Variants in ACOX2 observed in about 807,000 individuals in gnomAD.
ACOX2 encodes the protein acyl-CoA oxidase 2, also known as peroxisomal acyl-coenzyme A oxidase 2.
ACOX2 carries 59 observed loss-of-function variants against 77.5 expected under a neutral mutation model. The observed-to-expected ratio is 0.76, with a 90% CI of 0.62 to 0.95. The LOEUF (loss-of-function observed/expected upper bound fraction) is 0.95. Ranked by LOEUF, ACOX2 falls within the 40% of genes least tolerant of loss-of-function variation. The probability of loss-of-function intolerance (pLI) is 0.00; values close to 1 mark genes in which losing one functional copy is unlikely to be tolerated. For synonymous variants in ACOX2, 317 were observed against 340.1 expected, an observed-to-expected ratio of 0.93 and a Z score of 0.75; for missense variants, 837 against 880.4, an observed-to-expected ratio of 0.95 and a Z score of 0.62.
At position 58,534,614 on chromosome 3, in the gene ACOX2, A is replaced by G; in HGVS notation, c.161-92T>C. ...CACCCACTTGCTTCATGGATCTGGA[A>G]AGGAAGTCAGACATTATTGTTATTT... On this transcript the variant is annotated intron_variant, in intron 2 of 14. Coordinates refer to ENST00000302819, the MANE Select transcript of ACOX2 (RefSeq NM_003500.4). This position sits in a 1 kb window ranked among gnomAD's most constrained non-coding sequence, Gnocchi z 4.8. 1 of 1,604,512 alleles carries G rather than the reference A, an allele frequency of 6.2e-7. No individual in the cohort carries two copies. The highest frequency in any genetic ancestry group is 8.5e-7 in the Non-Finnish European group (1 of 1,177,020).
At position 58,520,652 on chromosome 3, in the gene ACOX2, G is replaced by C. The variant is rs113108161; in HGVS notation, c.1632+1844C>G. On this transcript the variant is annotated intron_variant, in intron 12 of 14. Coordinates refer to ENST00000302819, the MANE Select transcript of ACOX2 (RefSeq NM_003500.4). ...TGCACATTTATGGTTTCTAGATGGGGCCCAGTTGGGTGCTGAAGCTTTCTG... is the reference window on the plus strand; with the variant it reads ...TGCACATTTATGGTTTCTAGATGGGCCCCAGTTGGGTGCTGAAGCTTTCTG... Among the ~76,000 whole-genome samples the C allele has an allele frequency of 1.8e-3, 278 of 152,344 alleles. 1 individual carries two copies. The highest frequency in any genetic ancestry group is 6.5e-3 in the African/African-American group (269 of 41,580).
chr3:58,517,615 G>T (rs545365995), intron 12 of ACOX2, among the ~76,000 whole-genome samples, 192 bp from the exon 13 acceptor site: 5 of 143,630 alleles, frequency 3.5e-5, no homozygotes, highest in South Asian at 2.3e-4. Flanking sequence ...GTGTGTGTTG[G>T]GGGGGGGAGC....
At chr3:58,517,828 A>G (rs1166505122) in intron 12 of ACOX2, among the ~76,000 whole-genome samples, 1 of 152,140 alleles carries the variant, frequency 6.6e-6, no homozygotes, top group Non-Finnish European at 1.5e-5. Context: ...TAATCCCAGC[A>G]CTTTGGGAGG....
intron 13 of ACOX2, among the ~76,000 whole-genome samples, chr3:58,509,519 T>G (rs894929064): frequency 4.0e-5 from 6 of 151,284 alleles, no homozygotes; most frequent in Non-Finnish European, 7.4e-5. Context: ...AGAGTGAGAC[T>G]CCTGTCCCAA....
At chr3:58,509,427 T>C (rs2063260926) in intron 13 of ACOX2, among the ~76,000 whole-genome samples, 1 of 151,592 alleles carries the variant, frequency 6.6e-6, no homozygotes, top group South Asian at 2.1e-4. Context: ...CTTGGGAGGC[T>C]GAGGCAGGAG....
At chr3:58,529,561 C>T (rs745880028) in intron 8 of ACOX2, among the ~76,000 whole-genome samples, 5 of 152,272 alleles carry the variant, frequency 3.3e-5, no homozygotes, top group South Asian at 2.1e-4. Flanking sequence ...GCTTACCTGG[C>T]GCATCTTTCT....
intron 14 of ACOX2, 133 bp downstream of exon 14, chr3:58,508,760 A>G (rs2063252794): frequency 1.7e-6 from 2 of 1,206,570 alleles, no homozygotes; most frequent in African/African-American, 3.1e-5. Context: ...CTCTAAGAAT[A>G]TTTTAAACAG....
In ACOX2 at chr3:58,517,278, T is replaced by C. The variant is rs761713037; in HGVS notation, c.1778A>G (p.His593Arg). 5 of 1,614,024 alleles carry C rather than the reference T, an allele frequency of 3.1e-6. No homozygotes were observed. Among genetic ancestry groups the C allele is most frequent in the Non-Finnish European group, 4.2e-6 (5 of 1,180,032 alleles). ...TTGGGCACCAGACAGGAAGGCGTCA[T>C]GGAGAAAGTCACCCGAGTTAGTCAA... ...GILTNSGDFL[H>R]DAFLSGAQVD... The change falls in exon 13 of 15, where the codon CAT (histidine) becomes CGT (arginine). Residue 593 changes from histidine to arginine, a missense_variant. By Grantham distance (29) the His-to-Arg change is conservative. Transcript: ENST00000302819.
rs1476703397 is a variant in ACOX2, at chr3:58,528,927, T to C, written c.1022A>G (p.Gln341Arg). Residue 341 changes from glutamine to arginine, a missense_variant, in exon 9 of 15, where the codon CAG (glutamine) becomes CGG (arginine). Transcript: ENST00000302819. This position sits in a 1 kb window ranked among gnomAD's most constrained non-coding sequence, Gnocchi z 5.6. Reference protein sequence around the residue: ...SDPEAKVLDYQTQQQKLFPQL... With the variant: ...SDPEAKVLDYRTQQQKLFPQL... ...AGGAAAGAGTTTCTGCTGTTGTGTCTGGTAGTCCAGGACCTTTGCCTCTGG... is the reference window on the plus strand; with the variant it reads ...AGGAAAGAGTTTCTGCTGTTGTGTCCGGTAGTCCAGGACCTTTGCCTCTGG... The C allele has an allele frequency of 2.5e-6, 4 of 1,613,210 alleles. No homozygotes were observed. Among genetic ancestry groups the C allele is most frequent in the Non-Finnish European group, 3.4e-6 (4 of 1,179,656 alleles).
intron 12 of ACOX2, among the ~76,000 whole-genome samples, chr3:58,518,075 C>CAAAAAAA (rs763535906): frequency 3.6e-4 from 17 of 47,658 alleles, no homozygotes; most frequent in African/African-American, 7.3e-4. Flanking sequence ...AACTCCATCT[C>CAAAAAAA]AAAAAAAAAA....
intron 1 of ACOX2, among the ~76,000 whole-genome samples, chr3:58,536,122 A>T (rs942915792): frequency 4.6e-5 from 7 of 151,720 alleles, no homozygotes; most frequent in African/African-American, 1.7e-4. Flanking sequence ...CCTCTCTCCT[A>T]TGTCAACTTA....
At position 58,535,518 on chromosome 3, in the gene ACOX2, G is replaced by A. The variant is rs2063475534; in HGVS notation, c.-91-321C>T. The stretch of plus-strand genomic sequence containing the variant: ...GCTTACACCTGAAGAAAATAATCCT[G>A]GAGAGGTTGAGTGGCCCCTAGCCAC... On this transcript the variant is annotated intron_variant, in intron 1 of 14. Transcript: ENST00000302819. This position sits in a 1 kb window ranked among gnomAD's most constrained non-coding sequence, Gnocchi z 4.8. Among the ~76,000 whole-genome samples, 1 of 152,168 alleles carries A rather than the reference G, an allele frequency of 6.6e-6. No homozygotes were observed.
chr3:58,523,202 A>G lies in ACOX2; in HGVS notation c.1527-601T>C, dbSNP rs2063372046. Among the ~76,000 whole-genome samples, 2 of 152,206 alleles carry G rather than the reference A, an allele frequency of 1.3e-5. No individual in the cohort carries two copies. Among genetic ancestry groups the G allele is most frequent in the African/African-American group, 4.8e-5 (2 of 41,442 alleles). Reference sequence around the variant, plus strand: ...TCCATGACCCTTAGAATTTGTGTGTAAAGCAAACTGTTTATTAAGCAATAT... The same window carrying G: ...TCCATGACCCTTAGAATTTGTGTGTGAAGCAAACTGTTTATTAAGCAATAT... On this transcript the variant is annotated intron_variant, in intron 11 of 14. Coordinates refer to ENST00000302819, the MANE Select transcript of ACOX2 (RefSeq NM_003500.4). The surrounding 1 kb of genome is among the most constrained non-coding windows in gnomAD (Gnocchi z 5.3).
Position 58,534,449 on chromosome 3 carries a change from C to T in ACOX2, c.234G>A (p.Lys78=). The part of the protein sequence containing the change: ...NYFMTQNERY[K]AAMRRAFHIR... ...TGTGGAATGCCCTCCGCATGGCAGC[C>T]TTATAACGCTCATTCTGGGTCATGA... is the stretch of plus-strand genomic sequence containing the variant. Residue 78 remains lysine (K), a synonymous_variant, in exon 3 of 15, where the codon AAG becomes AAA. Transcript: ENST00000302819. The surrounding 1 kb of genome is among the most constrained non-coding windows in gnomAD (Gnocchi z 4.8). 1 of 1,614,178 alleles carries T rather than the reference C, an allele frequency of 6.2e-7. No individual in the cohort carries two copies. The highest frequency in any genetic ancestry group is 8.5e-7 in the Non-Finnish European group (1 of 1,180,032).
At chr3:58,510,869 T>C (rs1303622326) in intron 13 of ACOX2, 2 of 417,130 alleles carry the variant, frequency 4.8e-6, no homozygotes, top group Non-Finnish European at 9.6e-6. Flanking sequence ...TCATAACTGG[T>C]GTAATAAGGG....
In ACOX2 at chr3:58,512,489, C is replaced by T. The variant is rs1481108734; in HGVS notation, c.1851-3464G>A. The stretch of plus-strand genomic sequence containing the variant: ...GTGTCTATCCAATGCTCAAAACCCT[C>T]CCATTCTATCCCATGCTCAAAACCC... On this transcript the variant is annotated intron_variant, in intron 13 of 14. Coordinates refer to ENST00000302819, the MANE Select transcript of ACOX2 (RefSeq NM_003500.4). This position sits in a 1 kb window ranked among gnomAD's most constrained non-coding sequence, Gnocchi z 4.8. Among the ~76,000 whole-genome samples the T allele has an allele frequency of 6.6e-6, 1 of 152,190 alleles. No individual in the cohort carries two copies. Among genetic ancestry groups the T allele is most frequent in the Non-Finnish European group, 1.5e-5 (1 of 68,024 alleles).
chr3:58,510,742 T>A (rs1268585164), intron 13 of ACOX2, among the ~76,000 whole-genome samples: 3 of 90,390 alleles, frequency 3.3e-5, no homozygotes, highest in African/African-American at 4.5e-5. Flanking sequence ...ACACACACAC[T>A]CAACGATTTT....
chr3:58,518,257 G>T (rs77781968), intron 12 of ACOX2, among the ~76,000 whole-genome samples: 2,506 of 152,246 alleles, frequency 0.016, 31 homozygotes, highest in Non-Finnish European at 0.024. Context: ...AAGCAGTGCT[G>T]TTATTTAGCC....
At chr3:58,520,729 A>G (rs1250333777) in intron 12 of ACOX2, among the ~76,000 whole-genome samples, 2 of 152,192 alleles carry the variant, frequency 1.3e-5, no homozygotes, top group African/African-American at 4.8e-5. Context: ...CCTATCCATT[A>G]TGACCTTGGA....
Sources: gnomAD v4.1 joint callset for allele counts (sites outside exome capture counted in the v4.1 genomes callset) on GRCh38, gnomAD v4.1.1 for gene constraint, Gnocchi (gnomAD v3.1) non-coding constraint, MANE v1.5 for transcripts, NCBI Gene and HGNC (gene_info 2026-07-23, HGNC 2026-07-21) for gene names.